Variants in SYNJ1 observed in about 807,000 individuals in gnomAD.
SYNJ1 encodes polyphosphatidylinositol phosphatase SYNJ1.
Under a neutral mutation model 168.2 loss-of-function variants are expected in SYNJ1, and 78 were observed. That is an observed-to-expected ratio of 0.46 (90% confidence interval 0.39 to 0.56). The LOEUF (loss-of-function observed/expected upper bound fraction) is 0.56, where lower values mean the gene tolerates loss of function less well. SYNJ1 is among the 20% of genes least tolerant of loss of function. The pLI is 0.00. For synonymous variants in SYNJ1, 539 were observed against 548.6 expected (o/e 0.98, Z 0.24); for missense variants, 1,303 against 1,597.6 (o/e 0.82, Z 3.14).
At chr21:32,706,459 T>C (rs1054434966) in intron 2 of SYNJ1, among the ~76,000 whole-genome samples, 5 of 151,410 alleles carry the variant, frequency 3.3e-5, no homozygotes, top group Non-Finnish European at 5.9e-5. Flanking sequence ...CAGCAACCTA[T>C]TCTTAAAAAG....
Position 32,639,658 on chromosome 21 carries a change from A to G in SYNJ1, c.3697+13T>C. 6.2e-7 allele frequency: 1 copy of G among 1,611,566 alleles called. No individual in the cohort carries two copies. On this transcript the variant is annotated intron_variant, in intron 30 of 32. Coordinates refer to ENST00000674351, the MANE Select transcript of SYNJ1 (RefSeq NM_203446.3). Reference sequence around the variant, plus strand: ...AGTGATCCTCCTGCCTCAGCCTCCCAAAGAGGACCTACCTTTCGACGTTTC... The same window carrying G: ...AGTGATCCTCCTGCCTCAGCCTCCCGAAGAGGACCTACCTTTCGACGTTTC...
rs78594462 is a variant in SYNJ1 at position 32,676,519 on chromosome 21, G to A, written c.1511-164C>T. 5.5e-3 allele frequency among the ~76,000 whole-genome samples: 838 copies of A among 152,174 alleles called. 9 individuals are homozygous for A. Among genetic ancestry groups the A allele is most frequent in the African/African-American group, 0.019 (773 of 41,520 alleles). ...AGAACACCAAGTGTTACAAATAAACGACAATGATTGATACAAACCTTCTGC... is the reference window on the plus strand; with the variant it reads ...AGAACACCAAGTGTTACAAATAAACAACAATGATTGATACAAACCTTCTGC... On this transcript the variant is annotated intron_variant, in intron 12 of 32. Transcript: ENST00000674351.
chr21:32,630,961 A>T lies in SYNJ1; in HGVS notation c.*844T>A. The T allele has an allele frequency of 1.3e-6, 2 of 1,578,260 alleles. No homozygotes were observed. The highest frequency in any genetic ancestry group is 1.7e-6 in the Non-Finnish European group (2 of 1,162,302). Reference sequence around the variant, plus strand: ...CAATTCTCTTAGCTCTATCCTGCCAAAAGCAAGTACCCACTGTTTTCTATT... The same window carrying T: ...CAATTCTCTTAGCTCTATCCTGCCATAAGCAAGTACCCACTGTTTTCTATT... On this transcript the variant is annotated 3_prime_UTR_variant, in exon 33 of 33. Coordinates refer to ENST00000674351, the MANE Select transcript of SYNJ1 (RefSeq NM_203446.3).
chr21:32,694,951 A>G, intron 5 of SYNJ1, 106 bp downstream of exon 5: 3 of 1,167,388 alleles, frequency 2.6e-6, no homozygotes, highest in Non-Finnish European at 3.6e-6. Context: ...ATAAAACATT[A>G]TAGATGTTAA....
rs763601982 is a variant in SYNJ1 at position 32,685,864 on chromosome 21, G to A, written c.1002C>T (p.Asp334=). The change falls in exon 9 of 33, where the codon GAC becomes GAT. Residue 334 remains aspartate (D), a synonymous_variant. Transcript: ENST00000674351. The part of the protein sequence containing the change: ...HAADIQMVNF[D]YHQMVKGGKA... ...TTCCTCCCTTAACCATTTGATGATA[G>A]TCAAAATTCACCATCTGGATATCAG... 1.2e-5 allele frequency: 20 copies of A among 1,612,370 alleles called. No homozygotes were observed. Among genetic ancestry groups the A allele is most frequent in the Admixed American group, 5.0e-5 (3 of 59,830 alleles).
chr21:32,709,279 AG>A (rs939557303), intron 2 of SYNJ1, among the ~76,000 whole-genome samples: 1 of 151,946 alleles, frequency 6.6e-6, no homozygotes, highest in African/African-American at 2.4e-5. Context: ...TGAGGTCAGG[AG>A]TTTGAAACCA....
intron 6 of SYNJ1, among the ~76,000 whole-genome samples, chr21:32,690,942 T>C (rs1327740380): frequency 2.0e-5 from 3 of 152,182 alleles, no homozygotes; most frequent in Non-Finnish European, 4.4e-5. Flanking sequence ...AAAGCTTGCA[T>C]TAAAGGTATT....
intron 27 of SYNJ1, among the ~76,000 whole-genome samples, chr21:32,642,762 T>C (rs1190649001): frequency 6.6e-6 from 1 of 152,198 alleles, no homozygotes; most frequent in Non-Finnish European, 1.5e-5. Context: ...AGCTGAAGGA[T>C]AAAATGAAAT....
Position 32,657,844 on chromosome 21 carries a change from A to C in SYNJ1, c.2333T>G (p.Val778Gly), listed in dbSNP as rs1237047127. 1 of 1,609,948 alleles carries C rather than the reference A, an allele frequency of 6.2e-7. No individual in the cohort carries two copies. Among genetic ancestry groups the C allele is most frequent in the Non-Finnish European group, 8.5e-7 (1 of 1,179,064 alleles). Residue 778 changes from valine (V) to glycine (G), a missense_variant, in exon 19 of 33, where the codon GTA becomes GGA. Physicochemically the swap from Val to Gly is moderately radical, Grantham distance 109. Transcript: ENST00000674351. ...QVFRGFLEGKVTFAPTYKYDL... is the reference protein window; with the variant it reads ...QVFRGFLEGKGTFAPTYKYDL... ...ATACTTATATGTCGGAGCAAAGGTT[A>C]CCTTTCCTTCTAAAAATCCTCTAAA...
chr21:32,642,848 A>T (rs2039903256), intron 27 of SYNJ1, among the ~76,000 whole-genome samples: 1 of 152,222 alleles, frequency 6.6e-6, no homozygotes, highest in African/African-American at 2.4e-5. Flanking sequence ...CTTTTTGTAA[A>T]GAAATTCAAG....
intron 2 of SYNJ1, among the ~76,000 whole-genome samples, chr21:32,712,909 C>A (rs2146315096): frequency 6.6e-6 from 1 of 152,250 alleles, no homozygotes; most frequent in Admixed American, 6.5e-5. Flanking sequence ...TACTGTGATC[C>A]AGCAATTCCA....
intron 12 of SYNJ1, 73 bp downstream of exon 12, chr21:32,678,572 T>C: frequency 7.0e-7 from 1 of 1,436,810 alleles, no homozygotes; most frequent in South Asian, 1.6e-5. Context: ...AAAAATTCTG[T>C]GTAAATAAGT....
intron 32 of SYNJ1, among the ~76,000 whole-genome samples, chr21:32,633,856 T>C (rs2039447512): frequency 6.6e-5 from 10 of 152,198 alleles, no homozygotes; most frequent in Admixed American, 6.5e-4. Flanking sequence ...GATAAATTTG[T>C]ACAAAACTAA....
At chr21:32,727,847 G>A in intron 1 of SYNJ1, 99 bp downstream of exon 1, 30 of 1,501,342 alleles carry the variant, frequency 2.0e-5, no homozygotes, top group Non-Finnish European at 2.7e-5. Flanking sequence ...CGCTCCCGCT[G>A]ACGCTGCGGA....
At chr21:32,704,305 C>A (rs1316010967) in intron 2 of SYNJ1, among the ~76,000 whole-genome samples, 1 of 152,190 alleles carries the variant, frequency 6.6e-6, no homozygotes. Context: ...CACACACACA[C>A]CTTAAAGTGC....
chr21:32,720,394 C>A (rs1020266050), intron 2 of SYNJ1, among the ~76,000 whole-genome samples: 1 of 152,152 alleles, frequency 6.6e-6, no homozygotes. Context: ...TAGTCCTTTA[C>A]GCAGTTTTAT....
intron 12 of SYNJ1, among the ~76,000 whole-genome samples, chr21:32,678,358 T>C: frequency 6.6e-6 from 1 of 152,166 alleles, no homozygotes; most frequent in Non-Finnish European, 1.5e-5. Flanking sequence ...TTCTATGAAA[T>C]ACTGCCTTGT....
chr21:32,700,201 G>A lies in SYNJ1; in HGVS notation c.212-96C>T, dbSNP rs113051133. 2.9e-6 allele frequency: 4 copies of A among 1,391,720 alleles called. No individual in the cohort carries two copies. In the African/African-American group the frequency reaches 5.8e-5, roughly 20 times the overall value. The allele number at this position is 1,391,720 out of a possible 1,614,324, so 86.2% of individuals were successfully genotyped here. A position where few individuals can be genotyped will look rare whatever the true frequency, so the allele number is the denominator to read the frequency against. ...CTCTATTTTTTAAATCTGACATTGT[G>A]ATTATTTTAAACTTATCATGGATGT... On this transcript the variant is annotated intron_variant, in intron 3 of 32. Coordinates refer to ENST00000674351, the MANE Select transcript of SYNJ1 (RefSeq NM_203446.3).
At chr21:32,710,378 T>C (rs932300975) in intron 2 of SYNJ1, among the ~76,000 whole-genome samples, 14 of 152,196 alleles carry the variant, frequency 9.2e-5, no homozygotes, top group Middle Eastern at 3.2e-3. Flanking sequence ...CTTTGAACTA[T>C]TGGATAAATT....
Sources: allele counts gnomAD v4.1 joint callset (sites outside exome capture counted in the v4.1 genomes callset), GRCh38; gene constraint gnomAD v4.1.1; transcripts MANE v1.5; gene names NCBI Gene and HGNC (gene_info 2026-07-23, HGNC 2026-07-21).